TNKS2: variants seen among roughly 807,000 people sequenced by gnomAD.
TNKS2 encodes the protein poly [ADP-ribose] polymerase tankyrase-2.
Under a neutral mutation model 137.6 loss-of-function variants are expected in TNKS2, and 72 were observed. The ratio of observed to expected loss-of-function variants is 0.52; its 90% CI spans 0.43 to 0.64. The LOEUF is 0.64. TNKS2 is among the 30% of genes least tolerant of loss of function. TNKS2 has a pLI of 0.00. For missense variants in TNKS2, 1,049 were observed against 1,410.2 expected (o/e 0.74, Z 4.10); for synonymous variants, 516 against 512.1 (o/e 1.01, Z -0.10).
chr10:91,823,720 C>T (rs972448521), intron 7 of TNKS2, among the ~76,000 whole-genome samples: 2 of 152,088 alleles, frequency 1.3e-5, no homozygotes, highest in African/African-American at 4.8e-5. Context: ...TACCTTTTAA[C>T]TTCTGTTACC....
intron 13 of TNKS2, among the ~76,000 whole-genome samples, chr10:91,839,234 A>G (rs982935112): frequency 3.9e-5 from 6 of 152,050 alleles, no homozygotes; most frequent in Non-Finnish European, 7.4e-5. Flanking sequence ...TTCTTCCCCA[A>G]ACTTTCATAC....
Position 91,836,564 on chromosome 10 carries a change from G to A in TNKS2, c.1448-355G>A. Reference sequence around the variant, plus strand: ...ATAGCTAATTAATGACAGAACCACAGTTAGATTTCTGTTTGCTCTCTTAAT... The same window carrying A: ...ATAGCTAATTAATGACAGAACCACAATTAGATTTCTGTTTGCTCTCTTAAT... On this transcript the variant is annotated intron_variant, in intron 12 of 26. Transcript: ENST00000371627. 5.7e-6 allele frequency: 5 copies of A among 873,920 alleles called. No homozygotes were observed. The South Asian group carries it at 2.1e-4, about 36-fold the overall frequency. The allele number at this position is 873,920 out of a possible 1,614,324, so 54.1% of individuals were successfully genotyped here.
intron 20 of TNKS2, among the ~76,000 whole-genome samples, chr10:91,851,001 A>G (rs890746014): frequency 8.5e-5 from 13 of 152,232 alleles, no homozygotes; most frequent in African/African-American, 3.1e-4. Context: ...TGGAAAAGAT[A>G]AAATAGAATA....
At chr10:91,810,422 A>G (rs2133595722) in intron 1 of TNKS2, among the ~76,000 whole-genome samples, 1 of 152,060 alleles carries the variant, frequency 6.6e-6, no homozygotes, top group South Asian at 2.1e-4. Context: ...CTATCTGAAA[A>G]CAGTTTGAAA....
At chr10:91,810,572 G>C (rs2133595986) in intron 1 of TNKS2, among the ~76,000 whole-genome samples, 1 of 151,618 alleles carries the variant, frequency 6.6e-6, no homozygotes, top group Non-Finnish European at 1.5e-5. Context: ...GCCCGGTCTT[G>C]GCTCAGTGCA....
At chr10:91,853,471 T>A (rs551157675) in intron 21 of TNKS2, among the ~76,000 whole-genome samples, 17 of 152,190 alleles carry the variant, frequency 1.1e-4, no homozygotes, top group Non-Finnish European at 2.4e-4. Flanking sequence ...CTGATGTTAG[T>A]CAACCAACAG....
chr10:91,803,020 T>G (rs1432742394), intron 1 of TNKS2, among the ~76,000 whole-genome samples: 1 of 152,222 alleles, frequency 6.6e-6, no homozygotes, highest in African/African-American at 2.4e-5. Flanking sequence ...TTTGGAGTAC[T>G]CCTTTCAGTG....
chr10:91,817,140 T>TAA lies in TNKS2; in HGVS notation c.432_433insAA (p.Gln145AsnfsTer20). On this transcript the variant is annotated frameshift_variant, in exon 3 of 27. Coordinates refer to ENST00000371627, the MANE Select transcript of TNKS2 (RefSeq NM_025235.4). LOFTEE classifies it high-confidence loss of function. ...TAGTGTTGCTATTTTGCAGTGCTGT[T>TAA]ACAGCATGGAGCTGAGCCAACCATC... 1 of 1,612,574 alleles carries TAA rather than the reference T, an allele frequency of 6.2e-7. No individual in the cohort carries two copies. Among genetic ancestry groups the TAA allele is most frequent in the Non-Finnish European group, 8.5e-7 (1 of 1,179,016 alleles).
intron 12 of TNKS2, among the ~76,000 whole-genome samples, chr10:91,836,137 C>A (rs1463509942): frequency 2.2e-5 from 3 of 137,538 alleles, no homozygotes; most frequent in Non-Finnish European, 4.6e-5. Context: ...CAAATATATT[C>A]TCTTAAAAGA....
At chr10:91,850,367 C>CAAAAA (rs1227362681) in intron 20 of TNKS2, among the ~76,000 whole-genome samples, 18 of 89,228 alleles carry the variant, frequency 2.0e-4, no homozygotes, top group Middle Eastern at 7.4e-3. Context: ...GACTCGGTCT[C>CAAAAA]AAAAAAAAAA....
At chr10:91,837,946 C>T (rs1161135066) in intron 13 of TNKS2, among the ~76,000 whole-genome samples, 3 of 147,578 alleles carry the variant, frequency 2.0e-5, no homozygotes, top group Non-Finnish European at 4.4e-5. Context: ...TTACTACTGA[C>T]TTGTGGAAAT....
chr10:91,823,958 G>A (rs1844989640), intron 7 of TNKS2, among the ~76,000 whole-genome samples: 1 of 152,178 alleles, frequency 6.6e-6, no homozygotes, highest in Non-Finnish European at 1.5e-5. Context: ...TAATGCTTTT[G>A]CTTCTTGTAA....
intron 26 of TNKS2, among the ~76,000 whole-genome samples, 166 bp from the exon 27 acceptor site, chr10:91,862,771 G>A (rs1475366896): frequency 2.0e-5 from 3 of 152,064 alleles, no homozygotes; most frequent in East Asian, 1.9e-4. Context: ...AAAATCTGAA[G>A]AACTGTACTC....
chr10:91,836,769 A>G (rs1262133991), intron 12 of TNKS2, 150 bp from the exon 13 acceptor site: 4 of 1,379,646 alleles, frequency 2.9e-6, no homozygotes, highest in East Asian at 2.7e-5. Context: ...TCACTCCCCA[A>G]CCCTCACCCC....
At chr10:91,848,272 A>T in intron 18 of TNKS2, 111 bp from the exon 19 acceptor site, 1 of 1,172,760 alleles carries the variant, frequency 8.5e-7, no homozygotes. Context: ...CCATTGTGAT[A>T]GTACTGGCAC....
chr10:91,821,324 G>A (rs967144752), intron 6 of TNKS2, among the ~76,000 whole-genome samples: 2 of 152,038 alleles, frequency 1.3e-5, no homozygotes, highest in Admixed American at 6.6e-5. Context: ...GAGCCACCAC[G>A]CCTGGCCTAG....
chr10:91,851,482 CT>C, intron 21 of TNKS2, 146 bp downstream of exon 21: 1 of 958,500 alleles, frequency 1.0e-6, no homozygotes, highest in Non-Finnish European at 1.5e-6. Context: ...GGGATTAAGT[CT>C]TAGCTGTGCT....
chr10:91,815,391 T>C (rs896186742), intron 2 of TNKS2, among the ~76,000 whole-genome samples: 14 of 152,226 alleles, frequency 9.2e-5, no homozygotes, highest in Admixed American at 7.2e-4. Context: ...GTTCCTGCCC[T>C]ACATTCAAAT....
chr10:91,840,589 G>A lies in TNKS2; in HGVS notation c.1556G>A (p.Cys519Tyr). 6.2e-7 allele frequency: 1 copy of A among 1,614,016 alleles called. No individual in the cohort carries two copies. Among genetic ancestry groups the A allele is most frequent in the African/African-American group, 1.3e-5 (1 of 75,048 alleles). Residue 519 changes from cysteine to tyrosine, a missense_variant, in exon 14 of 27, where the codon TGC becomes TAC. By Grantham distance (194) the Cys-to-Tyr change is radical (BLOSUM62 -2). Coordinates refer to ENST00000371627, the MANE Select transcript of TNKS2 (RefSeq NM_025235.4). ...CTGTGTACTGTTCAGAGTGTCAACT[G>A]CAGAGACATTGAAGGGCGTCAGTCT... ...KKLCTVQSVN[C>Y]RDIEGRQSTP...
Sources: allele counts gnomAD v4.1 joint callset (sites outside exome capture counted in the v4.1 genomes callset), GRCh38; gene constraint gnomAD v4.1.1; transcripts MANE v1.5; gene names NCBI Gene and HGNC (gene_info 2026-07-23, HGNC 2026-07-21).